ADIPOR2: variants seen among roughly 807,000 people sequenced by gnomAD.
The protein encoded by ADIPOR2 is adiponectin receptor 2.
A neutral mutation model predicts 40.9 loss-of-function variants in ADIPOR2; 18 were observed. The ratio of observed to expected loss-of-function variants is 0.44; its 90% CI spans 0.30 to 0.65. ADIPOR2 has a LOEUF of 0.65. Among genes scored for constraint, ADIPOR2 ranks in the 30% least tolerant of loss-of-function variants. ADIPOR2 has a pLI of 0.09. For missense variants in ADIPOR2, 283 were observed against 479.2 expected, an observed-to-expected ratio of 0.59 and a Z score of 3.82; for synonymous variants, 165 against 166.4, an observed-to-expected ratio of 0.99 and a Z score of 0.06.
intron 2 of ADIPOR2, among the ~76,000 whole-genome samples, chr12:1,760,318 AT>A (rs764834841): frequency 1.1e-4 from 16 of 151,320 alleles, no homozygotes; most frequent in African/African-American, 2.7e-4. Flanking sequence ...CTCTTAAAAC[AT>A]TTTTTTTTGA....
rs115258325 is a variant in ADIPOR2, at chr12:1,746,895, A to T, written c.-86-7363A>T. 4.7e-3 allele frequency among the ~76,000 whole-genome samples: 708 copies of T among 152,096 alleles called. 6 individuals are homozygous for T. The highest frequency in any genetic ancestry group is 0.017 in the African/African-American group (689 of 41,504). ...AATTAAAAAATTAGCTGGGCATGTT[A>T]TTGCACCCCTGTTGTCCCAGCTACT... On this transcript the variant is annotated intron_variant, in intron 1 of 7. Transcript: ENST00000357103.
Position 1,712,660 on chromosome 12 carries a change from C to T in ADIPOR2, c.-87+21469C>T, listed in dbSNP as rs527400952. On this transcript the variant is annotated intron_variant, in intron 1 of 7. Coordinates refer to ENST00000357103, the MANE Select transcript of ADIPOR2 (RefSeq NM_024551.3). ...GAAGGCTGTTTCTGCCTCTGGTTCC[C>T]ATTCTACTAGATGAGTATTTGCCCT... is the stretch of plus-strand genomic sequence containing the variant. 1.1e-4 allele frequency among the ~76,000 whole-genome samples: 17 copies of T among 152,194 alleles called. No individual in the cohort carries two copies. The East Asian group carries it at 3.1e-3, about 28-fold the overall frequency.
intron 1 of ADIPOR2, 79 bp from the exon 2 acceptor site, chr12:1,754,179 G>A (rs541179465): frequency 1.1e-4 from 58 of 535,212 alleles, no homozygotes; most frequent in African/African-American, 3.3e-4. Context: ...GTATTCTGTC[G>A]TTTGGATATG....
intron 4 of ADIPOR2, among the ~76,000 whole-genome samples, chr12:1,779,528 G>C (rs1053995511): frequency 6.7e-6 from 1 of 149,956 alleles, no homozygotes; most frequent in Non-Finnish European, 1.5e-5. Flanking sequence ...GGGAATGGGG[G>C]ATGACAGCAG....
intron 1 of ADIPOR2, among the ~76,000 whole-genome samples, chr12:1,734,101 T>A (rs1158173806): frequency 6.6e-6 from 1 of 152,214 alleles, no homozygotes; most frequent in Non-Finnish European, 1.5e-5. Flanking sequence ...AGCAGCATGT[T>A]CTCTAATCCT....
intron 2 of ADIPOR2, among the ~76,000 whole-genome samples, chr12:1,765,133 ATAC>A (rs1453135539): frequency 6.6e-6 from 1 of 152,134 alleles, no homozygotes; most frequent in African/African-American, 2.4e-5. Context: ...TCACTACATG[ATAC>A]TCACATTTTA....
intron 2 of ADIPOR2, among the ~76,000 whole-genome samples, chr12:1,758,423 CA>C (rs755459998): frequency 1.2e-4 from 19 of 152,140 alleles, no homozygotes; most frequent in South Asian, 8.3e-4. Flanking sequence ...AAAGGCCTTC[CA>C]AAATCATCTT....
chr12:1,719,978 C>T (rs2094694777), intron 1 of ADIPOR2, among the ~76,000 whole-genome samples: 1 of 152,132 alleles, frequency 6.6e-6, no homozygotes, highest in Admixed American at 6.6e-5. Context: ...TGTCTGTCCT[C>T]TTTTCATCCC....
chr12:1,754,750 T>TACTACTACTAC (rs1424151217), intron 2 of ADIPOR2, among the ~76,000 whole-genome samples: 2 of 133,388 alleles, frequency 1.5e-5, no homozygotes, highest in Non-Finnish European at 3.4e-5. Flanking sequence ...ACTACTACTA[T>TACTACTACTAC]TGAGACGGAG....
chr12:1,777,803 G>T, intron 3 of ADIPOR2, 51 bp from the exon 4 acceptor site: 1 of 1,559,978 alleles, frequency 6.4e-7, no homozygotes, highest in Admixed American at 1.8e-5. Flanking sequence ...GTCAGTGTTG[G>T]TAAATTGACA....
intron 1 of ADIPOR2, among the ~76,000 whole-genome samples, chr12:1,708,119 A>C (rs951219422): frequency 6.6e-6 from 1 of 152,146 alleles, no homozygotes; most frequent in Non-Finnish European, 1.5e-5. Flanking sequence ...ATTTAATCAT[A>C]TTAGGTATTA....
intron 1 of ADIPOR2, among the ~76,000 whole-genome samples, chr12:1,707,751 G>A (rs1236764324): frequency 2.6e-5 from 4 of 152,140 alleles, no homozygotes; most frequent in African/African-American, 9.7e-5. Flanking sequence ...GGGATTATAG[G>A]TGTCAGCCAC....
chr12:1,727,528 A>G (rs566393414), intron 1 of ADIPOR2, among the ~76,000 whole-genome samples: 5 of 152,258 alleles, frequency 3.3e-5, no homozygotes, highest in South Asian at 2.1e-4. Context: ...GAAGTCTTCC[A>G]TGGCTGCCCT....
intron 1 of ADIPOR2, among the ~76,000 whole-genome samples, chr12:1,715,241 G>A (rs11061943): frequency 0.045 from 6,827 of 152,142 alleles, 268 homozygotes; most frequent in East Asian, 0.17. Flanking sequence ...ATTTCACTCC[G>A]TTTGTCTTCC....
At chr12:1,764,943 G>A (rs968490058) in intron 2 of ADIPOR2, among the ~76,000 whole-genome samples, 5 of 151,922 alleles carry the variant, frequency 3.3e-5, no homozygotes, top group Non-Finnish European at 5.9e-5. Context: ...TTATATGAAG[G>A]CAATCTGGGT....
chr12:1,700,177 T>C (rs1349953399), intron 1 of ADIPOR2, among the ~76,000 whole-genome samples: 5 of 152,234 alleles, frequency 3.3e-5, no homozygotes, highest in African/African-American at 9.6e-5. Context: ...ACAAAGCATA[T>C]GGTCTTAAAA....
At chr12:1,743,066 A>G (rs2094746325) in intron 1 of ADIPOR2, among the ~76,000 whole-genome samples, 2 of 152,084 alleles carry the variant, frequency 1.3e-5, no homozygotes, top group Admixed American at 1.3e-4. Flanking sequence ...TCTTGGGGAA[A>G]CATTCAAAAT....
chr12:1,744,042 G>T (rs555164183), intron 1 of ADIPOR2, among the ~76,000 whole-genome samples: 59 of 152,156 alleles, frequency 3.9e-4, no homozygotes, highest in African/African-American at 1.4e-3. Flanking sequence ...TCTGAATGCA[G>T]AAAGGAATGT....
rs79694491 is a variant in ADIPOR2, at chr12:1,754,283, A to G, written c.-61A>G. On this transcript the variant is annotated 5_prime_UTR_variant, in exon 2 of 8. Transcript: ENST00000357103. The stretch of plus-strand genomic sequence containing the variant: ...GATCAACTCACTATCCTGAAGGTCC[A>G]TTCTCCCAAGAAGAGGGGACAGAAA... 1.4e-6 allele frequency: 2 copies of G among 1,443,570 alleles called. No homozygotes were observed. The highest frequency in any genetic ancestry group is 1.8e-6 in the Non-Finnish European group (2 of 1,090,192). 89.4% of individuals were successfully genotyped at this position (1,443,570 alleles called of 1,614,324 possible). A position where few individuals can be genotyped will look rare whatever the true frequency, so the allele number is the denominator to read the frequency against.
Sources: allele counts gnomAD v4.1 joint callset (sites outside exome capture counted in the v4.1 genomes callset), GRCh38; gene constraint gnomAD v4.1.1; transcripts MANE v1.5; gene names NCBI Gene and HGNC (gene_info 2026-07-23, HGNC 2026-07-21).